Variants in SDK1 observed in about 807,000 individuals in gnomAD.
The protein encoded by SDK1 is protein sidekick-1.
Under a neutral mutation model 245.5 loss-of-function variants are expected in SDK1, and 157 were observed. The ratio of observed to expected loss-of-function variants is 0.64; its 90% CI spans 0.56 to 0.73. The LOEUF is 0.73. SDK1 is among the 30% of genes least tolerant of loss of function. SDK1 has a pLI of 0.00. For synonymous variants in SDK1, 1,647 were observed against 1,278.5 expected, an observed-to-expected ratio of 1.29 and a Z score of -6.15; for missense variants, 3,583 against 3,002.3, an observed-to-expected ratio of 1.19 and a Z score of -4.52.
intron 14 of SDK1, among the ~76,000 whole-genome samples, chr7:4,006,231 T>C (rs1485887413): frequency 6.6e-6 from 1 of 152,218 alleles, no homozygotes; most frequent in Non-Finnish European, 1.5e-5. Flanking sequence ...AGCGGGGTTG[T>C]GATTCATTCC....
intron 1 of SDK1, among the ~76,000 whole-genome samples, chr7:3,570,527 C>G (rs962690812): frequency 6.6e-6 from 1 of 152,316 alleles, no homozygotes; most frequent in African/African-American, 2.4e-5. Flanking sequence ...CCCAACTCTT[C>G]TCTGCATCTT....
chr7:3,841,998 C>T (rs975872174), intron 5 of SDK1, among the ~76,000 whole-genome samples: 1 of 152,232 alleles, frequency 6.6e-6, no homozygotes, highest in Non-Finnish European at 1.5e-5. Flanking sequence ...ACTGACACCT[C>T]TCCTCCACCT....
In SDK1 at chr7:3,754,660, C is replaced by A. The variant is rs182467748; in HGVS notation, c.714-66790C>A. Among the ~76,000 whole-genome samples, 13 of 137,052 alleles carry A rather than the reference C, an allele frequency of 9.5e-5. No individual in the cohort carries two copies. The South Asian group carries it at 1.8e-3, about 19-fold the overall frequency. The allele number at this position is 137,052 out of a possible 152,430, so 89.9% of individuals were successfully genotyped here. On this transcript the variant is annotated intron_variant, in intron 4 of 44. Coordinates refer to ENST00000404826, the MANE Select transcript of SDK1 (RefSeq NM_152744.4). ...ATTGCTGACTGGAGAAACAGCATGA[C>A]GTGGTTTCTAAGTAAGGGGAAGGGG... is the stretch of plus-strand genomic sequence containing the variant.
chr7:3,836,179 A>G (rs1345994762), intron 5 of SDK1, among the ~76,000 whole-genome samples: 2 of 152,240 alleles, frequency 1.3e-5, no homozygotes, highest in Non-Finnish European at 2.9e-5. Flanking sequence ...ACTCGTGTTC[A>G]TGTTTTGCAA....
At chr7:3,774,880 G>C (rs992872544) in intron 4 of SDK1, among the ~76,000 whole-genome samples, 2 of 152,086 alleles carry the variant, frequency 1.3e-5, no homozygotes, top group African/African-American at 4.8e-5. Flanking sequence ...CTTCTAATTG[G>C]GACTGTTAAA....
At chr7:4,147,215 C>T (rs187001729) in intron 29 of SDK1, among the ~76,000 whole-genome samples, 2 of 152,304 alleles carry the variant, frequency 1.3e-5, no homozygotes, top group African/African-American at 2.4e-5. Flanking sequence ...AAGTCTTGCT[C>T]TGTTGCCCAG....
intron 22 of SDK1, among the ~76,000 whole-genome samples, chr7:4,109,815 A>T (rs1416639500): frequency 6.6e-6 from 1 of 152,228 alleles, no homozygotes; most frequent in East Asian, 1.9e-4. Context: ...TAAGAGCACA[A>T]GGATGAGTGA....
At chr7:3,419,621 G>C (rs1341663357) in intron 1 of SDK1, among the ~76,000 whole-genome samples, 3 of 152,136 alleles carry the variant, frequency 2.0e-5, no homozygotes, top group Non-Finnish European at 4.4e-5. Context: ...TGCTGGTCAG[G>C]TATCCTAGTC....
chr7:4,154,739 C>G (rs189478599), intron 30 of SDK1, among the ~76,000 whole-genome samples: 4 of 152,298 alleles, frequency 2.6e-5, no homozygotes, highest in African/African-American at 9.6e-5. Flanking sequence ...GAGACACTGA[C>G]TTGCTCCAGT....
intron 22 of SDK1, among the ~76,000 whole-genome samples, chr7:4,101,486 A>G (rs760720344): frequency 2.0e-5 from 3 of 152,194 alleles, no homozygotes; most frequent in Non-Finnish European, 4.4e-5. Flanking sequence ...ATCTGTCAAA[A>G]TAGTTCAAGC....
intron 2 of SDK1, among the ~76,000 whole-genome samples, chr7:3,633,222 G>T (rs1208235677): frequency 6.6e-6 from 1 of 152,064 alleles, no homozygotes; most frequent in Admixed American, 6.5e-5. Flanking sequence ...TATCTAAAGT[G>T]ACATAAAATG....
intron 40 of SDK1, chr7:4,227,321 G>A: frequency 4.3e-6 from 2 of 466,166 alleles, no homozygotes; most frequent in South Asian, 3.2e-5. Flanking sequence ...TGTCAGCCCG[G>A]CTTCCCACCC....
intron 5 of SDK1, among the ~76,000 whole-genome samples, chr7:3,945,576 A>G (rs1257454811): frequency 6.6e-6 from 1 of 151,990 alleles, no homozygotes; most frequent in Non-Finnish European, 1.5e-5. Context: ...GTTACTGAAA[A>G]TAAACATCCA....
intron 5 of SDK1, among the ~76,000 whole-genome samples, chr7:3,902,271 T>C (rs1781817044): frequency 6.6e-6 from 1 of 152,212 alleles, no homozygotes; most frequent in Non-Finnish European, 1.5e-5. Context: ...CATCACAGGG[T>C]TCTTCCTCTC....
At chr7:3,955,547 G>A (rs753134515) in intron 7 of SDK1, among the ~76,000 whole-genome samples, 14 of 152,196 alleles carry the variant, frequency 9.2e-5, no homozygotes, top group Admixed American at 2.0e-4. Flanking sequence ...TCCGGGAGCC[G>A]TTCTGTCCAC....
At chr7:4,211,415 G>A (rs1784505806) in intron 38 of SDK1, among the ~76,000 whole-genome samples, 1 of 151,996 alleles carries the variant, frequency 6.6e-6, no homozygotes, top group African/African-American at 2.4e-5. Context: ...GGAGAGCGGC[G>A]AGAAGGGGAA....
intron 1 of SDK1, among the ~76,000 whole-genome samples, chr7:3,494,457 C>G (rs1337517916): frequency 1.3e-5 from 2 of 152,116 alleles, no homozygotes; most frequent in Admixed American, 6.5e-5. Flanking sequence ...TATGGGAAGA[C>G]AGTGTTAGAA....
chr7:3,377,015 C>G (rs1781372139), intron 1 of SDK1, among the ~76,000 whole-genome samples: 1 of 152,062 alleles, frequency 6.6e-6, no homozygotes, highest in Non-Finnish European at 1.5e-5. Context: ...GTTGCCAACT[C>G]TCTATTCTGA....
chr7:3,576,252 T>G (rs1269528794), intron 1 of SDK1, among the ~76,000 whole-genome samples: 1 of 152,150 alleles, frequency 6.6e-6, no homozygotes, highest in Non-Finnish European at 1.5e-5. Flanking sequence ...CACCCCCAAA[T>G]AGGCTCCTTG....
Sources: gnomAD v4.1 joint callset for allele counts (sites outside exome capture counted in the v4.1 genomes callset) on GRCh38, gnomAD v4.1.1 for gene constraint, MANE v1.5 for transcripts, NCBI Gene and HGNC (gene_info 2026-07-23, HGNC 2026-07-21) for gene names.